The following MPV17L2 variants were observed in gnomAD, a reference collection of about 807,000 sequenced individuals.
MPV17L2 encodes the protein mpv17-like protein 2.
A neutral mutation model predicts 24.2 loss-of-function variants in MPV17L2; 25 were observed. That is an observed-to-expected ratio of 1.03 (90% CI 0.75 to 1.44). The LOEUF (loss-of-function observed/expected upper bound fraction) is 1.44. MPV17L2 is among the 40% of genes most tolerant of loss of function. The pLI is 0.00. For missense variants in MPV17L2, 271 were observed against 276.2 expected (o/e 0.98, Z 0.13); for synonymous variants, 130 against 121.4 (o/e 1.07, Z -0.46).
Position 18,193,918 on chromosome 19 carries a change from T to G in MPV17L2, c.242T>G (p.Leu81Trp), listed in dbSNP as rs1298842806. Residue 81 changes from leucine (L) to tryptophan (W), a missense_variant, in exon 2 of 5, where the codon TTG becomes TGG. Physicochemically the swap from Leu to Trp is moderately conservative, Grantham distance 61. Transcript: ENST00000599612. ...SMGPFLHYWYLSLDRLFPASG... is the reference protein window; with the variant it reads ...SMGPFLHYWYWSLDRLFPASG... ...GGTCCCTTCCTGCACTACTGGTACT[T>G]GTCGCTGGACCGCCTATTCCCTGCG... 1 of 1,614,220 alleles carries G rather than the reference T, an allele frequency of 6.2e-7. No individual in the cohort carries two copies. The highest frequency in any genetic ancestry group is 1.7e-5 in the Admixed American group (1 of 60,030).
rs1205760184 is a variant in MPV17L2, at chr19:18,193,578, G to T, written c.187+110G>T. The T allele has an allele frequency of 2.8e-6, 4 of 1,409,134 alleles. No individual in the cohort carries two copies. In the Admixed American group the frequency reaches 8.9e-5, roughly 31 times the overall value. 87.3% of individuals were successfully genotyped at this position (1,409,134 alleles called of 1,614,324 possible). ...GGCCTCAGTCCCCCGCAGGACCCTT[G>T]CCCTGACCGCGCCTCTCCCCGGGTG... On this transcript the variant is annotated intron_variant, in intron 1 of 4. Coordinates refer to ENST00000599612, the MANE Select transcript of MPV17L2 (RefSeq NM_032683.3).
intron 2 of MPV17L2, 152 bp downstream of exon 2, chr19:18,194,186 G>T (rs1228567450): frequency 8.8e-6 from 7 of 794,360 alleles, no homozygotes; most frequent in Admixed American, 8.2e-5. Flanking sequence ...GGGACAGGAC[G>T]GACTCGGCCG....
chr19:18,194,839 T>G lies in MPV17L2; in HGVS notation c.421T>G (p.Trp141Gly). Residue 141 changes from tryptophan (W) to glycine (G), a missense_variant, in exon 3 of 5, where the codon TGG becomes GGG. Coordinates refer to ENST00000599612, the MANE Select transcript of MPV17L2 (RefSeq NM_032683.3). ...CTGCCAGGAGCTGCGGGAGAAGTTC[T>G]GGGAATTCTACAAGGTGGGAGCACC... is the stretch of plus-strand genomic sequence containing the variant. ...ESCQELREKFWEFYKADWCVW... is the reference protein window; with the variant it reads ...ESCQELREKFGEFYKADWCVW... 6.2e-7 allele frequency: 1 copy of G among 1,608,780 alleles called. No homozygotes were observed. Among genetic ancestry groups the G allele is most frequent in the Non-Finnish European group, 8.5e-7 (1 of 1,178,304 alleles).
At chr19:18,193,832 C>G in intron 1 of MPV17L2, 32 bp from the exon 2 acceptor site, 1 of 1,607,912 alleles carries the variant, frequency 6.2e-7, no homozygotes, top group Non-Finnish European at 8.5e-7. Context: ...ACTTGCCGGC[C>G]CGACCCAGCC....
At chr19:18,195,334 T>C (rs976818456) in intron 4 of MPV17L2, among the ~76,000 whole-genome samples, 1 of 141,332 alleles carries the variant, frequency 7.1e-6, no homozygotes, top group African/African-American at 2.7e-5. Flanking sequence ...TCGCCTGAAA[T>C]TGGAGTTAGA....
rs1180886279 is a variant in MPV17L2 at position 18,195,040 on chromosome 19, G to T, written c.518G>T (p.Gly173Val). 6.2e-7 allele frequency: 1 copy of T among 1,614,170 alleles called. No homozygotes were observed. Among genetic ancestry groups the T allele is most frequent in the South Asian group, 1.1e-5 (1 of 91,080 alleles). Residue 173 changes from glycine (G) to valine (V), a missense_variant, in exon 4 of 5, where the codon GGC (glycine) becomes GTC (valine). By Grantham distance (109) the Gly-to-Val change is moderately radical. Coordinates refer to ENST00000599612, the MANE Select transcript of MPV17L2 (RefSeq NM_032683.3). Reference protein sequence around the residue: ...PPQFRVTYINGLTLGWDTYLS... With the variant: ...PPQFRVTYINVLTLGWDTYLS... Reference sequence around the variant, plus strand: ...CAATTTCGAGTCACCTACATCAACGGCCTGACGCTGGGCTGGGACACGTAC... The same window carrying T: ...CAATTTCGAGTCACCTACATCAACGTCCTGACGCTGGGCTGGGACACGTAC...
Position 18,193,255 on chromosome 19 carries a change from G to T in MPV17L2, c.-27G>T, listed in dbSNP as rs778193185. On this transcript the variant is annotated 5_prime_UTR_variant, in exon 1 of 5. Coordinates refer to ENST00000599612, the MANE Select transcript of MPV17L2 (RefSeq NM_032683.3). ...GTCGGCGCGGCGAAAGCAGAGCGGCGCGCCGGTTCCTTGGTTCCTGAGGGC... is the reference window on the plus strand; with the variant it reads ...GTCGGCGCGGCGAAAGCAGAGCGGCTCGCCGGTTCCTTGGTTCCTGAGGGC... The T allele has an allele frequency of 2.1e-5, 31 of 1,455,550 alleles. No individual in the cohort carries two copies. The Admixed American group carries it at 4.5e-4, about 21-fold the overall frequency. The allele number at this position is 1,455,550 out of a possible 1,614,324, so 90.2% of individuals were successfully genotyped here.
Position 18,193,983 on chromosome 19 carries a change from C to A in MPV17L2, c.307C>A (p.Leu103Ile). Residue 103 changes from leucine (L) to isoleucine (I), a missense_variant, in exon 2 of 5, where the codon CTC becomes ATC. Leu to Ile is a conservative substitution (Grantham distance 5, BLOSUM62 2). Transcript: ENST00000599612. ...CTTCCCAAATGTCCTCAAGAAGGTCCTCGTGGATCAGCTGGTAGCCTCTCC... is the reference window on the plus strand; with the variant it reads ...CTTCCCAAATGTCCTCAAGAAGGTCATCGTGGATCAGCTGGTAGCCTCTCC... Reference protein sequence around the residue: ...RGFPNVLKKVLVDQLVASPLL... With the variant: ...RGFPNVLKKVIVDQLVASPLL... 1 of 1,614,258 alleles carries A rather than the reference C, an allele frequency of 6.2e-7. No individual in the cohort carries two copies. Among genetic ancestry groups the A allele is most frequent in the South Asian group, 1.1e-5 (1 of 91,090 alleles).
intron 1 of MPV17L2, 82 bp from the exon 2 acceptor site, chr19:18,193,782 A>G: frequency 5.7e-6 from 9 of 1,568,494 alleles, no homozygotes; most frequent in Non-Finnish European, 7.8e-6. Context: ...GGGCTTACCC[A>G]GGCCTTAGCC....
At position 18,195,302 on chromosome 19, in the gene MPV17L2, T is replaced by C. The variant is rs558290349; in HGVS notation, c.564+216T>C. On this transcript the variant is annotated intron_variant, in intron 4 of 4. Transcript: ENST00000599612. ...GGCTCATGCCTGTAATCCCAGCACT[T>C]TGGGAGGCCGAAGCGGGTGGATCGC... 1.1e-3 allele frequency among the ~76,000 whole-genome samples: 164 copies of C among 152,092 alleles called. No individual in the cohort carries two copies. In the South Asian group the frequency reaches 0.011, roughly 11 times the overall value.
At chr19:18,194,302 A>G (rs1427041705) in intron 2 of MPV17L2, 2 of 516,234 alleles carry the variant, frequency 3.9e-6, no homozygotes, top group East Asian at 3.3e-5. Flanking sequence ...CACTCAGTTG[A>G]GACATGAAGA....
Position 18,193,389 on chromosome 19 carries a change from C to T in MPV17L2, c.108C>T (p.Leu36=), listed in dbSNP as rs1184614161. ...CTAACACGCTGGGCTGCGGCGCGCT[C>T]ATGGCGGCCGGTGATGGCGTGCGCC... ...LVTNTLGCGA[L]MAAGDGVRQS... The change falls in exon 1 of 5, where the codon CTC becomes CTT. Residue 36 remains leucine (L), a synonymous_variant. Coordinates refer to ENST00000599612, the MANE Select transcript of MPV17L2 (RefSeq NM_032683.3). 7 of 1,568,130 alleles carry T rather than the reference C, an allele frequency of 4.5e-6. No homozygotes were observed. The African/African-American group carries it at 5.5e-5, about 12-fold the overall frequency.
At chr19:18,195,234 G>A in intron 4 of MPV17L2, 148 bp downstream of exon 4, 1 of 1,344,088 alleles carries the variant, frequency 7.4e-7, no homozygotes, top group Non-Finnish European at 9.9e-7. Flanking sequence ...CTGGCGGAGA[G>A]CTCCTCACTA....
At chr19:18,194,621 C>T (rs952463013) in intron 2 of MPV17L2, among the ~76,000 whole-genome samples, 156 bp from the exon 3 acceptor site, 4 of 152,240 alleles carry the variant, frequency 2.6e-5, no homozygotes. Context: ...CCCTAATTCT[C>T]TGTCCATCCC....
At position 18,194,081 on chromosome 19, in the gene MPV17L2, G is replaced by A. The variant is rs544276893; in HGVS notation, c.358+47G>A. 3.1e-5 allele frequency: 49 copies of A among 1,591,600 alleles called. No individual in the cohort carries two copies. In the South Asian group the frequency reaches 4.6e-4, roughly 15 times the overall value. ...GGCTTTGCCTCTCATAGGTCGGGAG[G>A]GGTGGAGCCAGCTTTGTGTTAAGAA... On this transcript the variant is annotated intron_variant, in intron 2 of 4. Transcript: ENST00000599612.
chr19:18,196,750 G>T lies in MPV17L2; in HGVS notation c.*695G>T, dbSNP rs1967527146. 1.5e-5 allele frequency: 5 copies of T among 325,060 alleles called. No homozygotes were observed. Among genetic ancestry groups the T allele is most frequent in the African/African-American group, 4.3e-5 (2 of 46,374 alleles). 20.1% of individuals were successfully genotyped at this position (325,060 alleles called of 1,614,324 possible). On this transcript the variant is annotated 3_prime_UTR_variant, in exon 5 of 5. Coordinates refer to ENST00000599612, the MANE Select transcript of MPV17L2 (RefSeq NM_032683.3). Reference sequence around the variant, plus strand: ...AAAAATAACAAAAGAAAATGCTGTGGATGATCAAAACCAGGGTGGGCAGGA... The same window carrying T: ...AAAAATAACAAAAGAAAATGCTGTGTATGATCAAAACCAGGGTGGGCAGGA...
Position 18,196,266 on chromosome 19 carries a change from A to T in MPV17L2, c.*211A>T. The T allele has an allele frequency of 6.6e-7, 1 of 1,512,334 alleles. No homozygotes were observed. Among genetic ancestry groups the T allele is most frequent in the Non-Finnish European group, 8.8e-7 (1 of 1,131,808 alleles). 93.7% of individuals were successfully genotyped at this position (1,512,334 alleles called of 1,614,324 possible). ...AACACACCCATGAAGATGGATGATC[A>T]TCCCCTAGCCCTTCTCAGCAGGAAC... is the stretch of plus-strand genomic sequence containing the variant. On this transcript the variant is annotated 3_prime_UTR_variant, in exon 5 of 5. Transcript: ENST00000599612.
rs1967525068 is a variant in MPV17L2 at position 18,196,663 on chromosome 19, C to T, written c.*608C>T. 1 of 350,198 alleles carries T rather than the reference C, an allele frequency of 2.9e-6. No individual in the cohort carries two copies. Among genetic ancestry groups the T allele is most frequent in the African/African-American group, 2.1e-5 (1 of 46,596 alleles). 21.7% of individuals were successfully genotyped at this position (350,198 alleles called of 1,614,324 possible). A position where few individuals can be genotyped will look rare whatever the true frequency, so the allele number is the denominator to read the frequency against. On this transcript the variant is annotated 3_prime_UTR_variant, in exon 5 of 5. Transcript: ENST00000599612. ...CTGAGGTGGAAGGATTGCTCGAGGC[C>T]AGGTGTTCGAGACCAGCCTGGGCAA...
chr19:18,195,513 GT>G (rs1247585638), intron 4 of MPV17L2, among the ~76,000 whole-genome samples: 2 of 149,798 alleles, frequency 1.3e-5, no homozygotes, highest in African/African-American at 4.9e-5. Context: ...TCCAGCCTAG[GT>G]GACAGAGCGA....
Sources: gnomAD v4.1 joint callset for allele counts (sites outside exome capture counted in the v4.1 genomes callset) on GRCh38, gnomAD v4.1.1 for gene constraint, MANE v1.5 for transcripts, NCBI Gene and HGNC (gene_info 2026-07-23, HGNC 2026-07-21) for gene names.